The following ACER3 variants were observed in gnomAD, a reference collection of about 807,000 sequenced individuals.
ACER3 encodes the protein alkCDase 3.
A neutral mutation model predicts 48.9 loss-of-function variants in ACER3; 16 were observed. The observed-to-expected ratio is 0.33, with a 90% CI of 0.22 to 0.50. The LOEUF (loss-of-function observed/expected upper bound fraction) is 0.50. ACER3 is among the 20% of genes least tolerant of loss of function. The probability of loss-of-function intolerance (pLI) is 0.98; values close to 1 mark genes in which losing one functional copy is unlikely to be tolerated. For missense variants in ACER3, 227 were observed against 326.0 expected (o/e 0.70, Z 2.34); for synonymous variants, 109 against 107.8 (o/e 1.01, Z -0.07).
chr11:76,988,822 GTATA>G lies in ACER3; in HGVS notation c.403-1714_403-1711del, dbSNP rs548422325. ...CAGTGACTTGCCTGGCCAATCAAGT[GTATA>G]TAGACAATTGGTGGGAGAGACAGAC... On this transcript the variant is annotated intron_variant, in intron 5 of 10. Coordinates refer to ENST00000532485, the MANE Select transcript of ACER3 (RefSeq NM_018367.7). Among the ~76,000 whole-genome samples, 9 of 152,304 alleles carry G rather than the reference GTATA, an allele frequency of 5.9e-5. No individual in the cohort carries two copies. In the South Asian group the frequency reaches 1.9e-3, roughly 32 times the overall value.
At chr11:76,938,886 C>T (rs879540542) in intron 2 of ACER3, among the ~76,000 whole-genome samples, 8 of 150,884 alleles carry the variant, frequency 5.3e-5, no homozygotes, top group Admixed American at 1.3e-4. Flanking sequence ...ACCAAAACTT[C>T]GTGGAGAAGT....
intron 2 of ACER3, among the ~76,000 whole-genome samples, chr11:76,948,176 A>G (rs193116034): frequency 3.4e-5 from 5 of 148,672 alleles, no homozygotes; most frequent in African/African-American, 1.2e-4. Flanking sequence ...TGGTATTACC[A>G]TTCTGTTATT....
intron 2 of ACER3, among the ~76,000 whole-genome samples, chr11:76,927,893 C>G (rs1299936327): frequency 7.9e-5 from 12 of 152,168 alleles, no homozygotes; most frequent in Admixed American, 7.2e-4. Flanking sequence ...CAAGTCTTTG[C>G]TATTGTGAAT....
intron 1 of ACER3, among the ~76,000 whole-genome samples, chr11:76,918,240 AAG>A (rs1488502511): frequency 6.6e-6 from 1 of 151,578 alleles, no homozygotes; most frequent in Admixed American, 6.6e-5. Flanking sequence ...TTTTTAAAGT[AAG>A]ACACACTTGG....
intron 3 of ACER3, among the ~76,000 whole-genome samples, chr11:76,963,740 G>A (rs572479332): frequency 5.3e-5 from 8 of 151,420 alleles, no homozygotes; most frequent in Non-Finnish European, 1.2e-4. Flanking sequence ...AGAGTCTCAA[G>A]AGGTCCTTTG....
At chr11:76,917,314 A>T (rs1165771183) in intron 1 of ACER3, among the ~76,000 whole-genome samples, 1 of 152,186 alleles carries the variant, frequency 6.6e-6, no homozygotes, top group Non-Finnish European at 1.5e-5. Context: ...TAATACTTAC[A>T]TGCAATAAAG....
chr11:76,958,967 G>A lies in ACER3; in HGVS notation c.215-12G>A. 1 of 1,613,600 alleles carries A rather than the reference G, an allele frequency of 6.2e-7. No individual in the cohort carries two copies. Among genetic ancestry groups the A allele is most frequent in the Non-Finnish European group, 8.5e-7 (1 of 1,179,848 alleles). On this transcript the variant is annotated splice_polypyrimidine_tract_variant and intron_variant, in intron 2 of 10. Coordinates refer to ENST00000532485, the MANE Select transcript of ACER3 (RefSeq NM_018367.7). ...ATTTCATGCTAATTTTTTTTCATTTGTTTAATTTCAGTGGTAGGAATGGGA... is the reference window on the plus strand; with the variant it reads ...ATTTCATGCTAATTTTTTTTCATTTATTTAATTTCAGTGGTAGGAATGGGA...
chr11:76,964,407 A>T (rs1193177116), intron 3 of ACER3, among the ~76,000 whole-genome samples: 1 of 151,416 alleles, frequency 6.6e-6, no homozygotes, highest in African/African-American at 2.5e-5. Flanking sequence ...GACAAACAAA[A>T]GGCAGCAGTA....
At chr11:77,000,235 TA>T (rs1220377495) in intron 7 of ACER3, among the ~76,000 whole-genome samples, 7 of 152,194 alleles carry the variant, frequency 4.6e-5, no homozygotes, top group African/African-American at 1.7e-4. Context: ...TTCTCCCTGG[TA>T]AAATTTCTGC....
chr11:76,944,647 T>A (rs1565191884), intron 2 of ACER3, among the ~76,000 whole-genome samples: 1 of 152,192 alleles, frequency 6.6e-6, no homozygotes, highest in Admixed American at 6.5e-5. Flanking sequence ...TTTCTTTTAC[T>A]TTGACTTTTG....
rs548575273 is a variant in ACER3, at chr11:76,895,877, G to A, written c.104-30680G>A. ...CAATTTTGTAAATGAAATATGATGTGGCCTTATAATAGAATACTATATAGC... is the reference window on the plus strand; with the variant it reads ...CAATTTTGTAAATGAAATATGATGTAGCCTTATAATAGAATACTATATAGC... On this transcript the variant is annotated intron_variant, in intron 1 of 10. Coordinates refer to ENST00000532485, the MANE Select transcript of ACER3 (RefSeq NM_018367.7). 8.7e-4 allele frequency among the ~76,000 whole-genome samples: 133 copies of A among 152,130 alleles called. 1 individual carries two copies. The highest frequency in any genetic ancestry group is 3.1e-3 in the African/African-American group (130 of 41,482).
intron 1 of ACER3, among the ~76,000 whole-genome samples, chr11:76,861,313 G>A (rs1315641881): frequency 1.3e-5 from 2 of 149,558 alleles, no homozygotes; most frequent in Admixed American, 1.3e-4. Flanking sequence ...TGAGGATTGG[G>A]GGGGCAGAAG....
intron 1 of ACER3, among the ~76,000 whole-genome samples, chr11:76,918,672 A>G (rs1358619324): frequency 1.3e-5 from 2 of 152,056 alleles, no homozygotes; most frequent in Non-Finnish European, 2.9e-5. Flanking sequence ...CTCATATCAA[A>G]TAATCTTTAT....
intron 1 of ACER3, among the ~76,000 whole-genome samples, chr11:76,903,093 A>AT (rs1312930352): frequency 1.3e-5 from 2 of 151,960 alleles, no homozygotes; most frequent in East Asian, 3.9e-4. Flanking sequence ...CTTTTTCTTA[A>AT]TTTTTTTATA....
At chr11:76,865,954 G>A (rs1280909546) in intron 1 of ACER3, among the ~76,000 whole-genome samples, 2 of 151,142 alleles carry the variant, frequency 1.3e-5, no homozygotes, top group East Asian at 3.9e-4. Context: ...GTAGCTGGGA[G>A]GCACGCACCA....
Position 77,020,483 on chromosome 11 carries a change from G to A in ACER3, c.*156G>A, listed in dbSNP as rs1949455131. The stretch of plus-strand genomic sequence containing the variant: ...TGCTGCCACCCACACAGAGAATAAG[G>A]AGTAGGGCCTGCTGGGTGTTTAGCT... On this transcript the variant is annotated 3_prime_UTR_variant, in exon 11 of 11. Transcript: ENST00000532485. The A allele has an allele frequency of 5.4e-6, 4 of 739,820 alleles. No individual in the cohort carries two copies. Among genetic ancestry groups the A allele is most frequent in the East Asian group, 2.8e-5 (1 of 35,662 alleles). The allele number at this position is 739,820 out of a possible 1,614,324, so 45.8% of individuals were successfully genotyped here. A position where few individuals can be genotyped will look rare whatever the true frequency, so the allele number is the denominator to read the frequency against.
intron 1 of ACER3, among the ~76,000 whole-genome samples, chr11:76,873,894 A>G (rs1945303673): frequency 6.6e-6 from 1 of 152,168 alleles, no homozygotes; most frequent in Admixed American, 6.5e-5. Flanking sequence ...TGTCCACTCC[A>G]TTCTTGTTTC....
At chr11:76,983,182 T>C (rs901472756) in intron 4 of ACER3, among the ~76,000 whole-genome samples, 5 of 152,248 alleles carry the variant, frequency 3.3e-5, no homozygotes, top group Admixed American at 1.3e-4. Flanking sequence ...GTTAATATCT[T>C]AACATTACTA....
At chr11:76,972,292 G>A (rs1948326718) in intron 3 of ACER3, among the ~76,000 whole-genome samples, 1 of 152,174 alleles carries the variant, frequency 6.6e-6, no homozygotes, top group Admixed American at 6.6e-5. Context: ...TTGTGGGTAT[G>A]AAGTAGTTTC....
Sources: allele counts gnomAD v4.1 joint callset (sites outside exome capture counted in the v4.1 genomes callset), GRCh38; gene constraint gnomAD v4.1.1; transcripts MANE v1.5; gene names NCBI Gene and HGNC (gene_info 2026-07-23, HGNC 2026-07-21).